KDM6A: variants seen among roughly 807,000 people sequenced by gnomAD.
KDM6A encodes lysine-specific demethylase 6A.
KDM6A carries 11 observed loss-of-function variants against 117.6 expected under a neutral mutation model. The observed-to-expected ratio is 0.09, with a 90% CI of 0.06 to 0.15. The LOEUF (loss-of-function observed/expected upper bound fraction) is 0.15, where lower values mean the gene tolerates loss of function less well. Ranked by LOEUF, KDM6A falls within the 10% of genes least tolerant of loss-of-function variation. The probability of loss-of-function intolerance (pLI) is 1.00; values close to 1 mark genes in which losing one functional copy is unlikely to be tolerated. For synonymous variants in KDM6A, 384 were observed against 396.1 expected, an observed-to-expected ratio of 0.97 and a Z score of 0.36; for missense variants, 799 against 1,077.3, an observed-to-expected ratio of 0.74 and a Z score of 3.62.
At chrX:45,090,991 TA>T (rs1453202635) in intron 27 of KDM6A, 127 bp downstream of exon 27, 149 of 692,915 alleles carry the variant, frequency 2.2e-4, no homozygotes, top group Non-Finnish European at 3.1e-4. Flanking sequence ...CAGAATGTAT[TA>T]TGAGAATCCA....
intron 2 of KDM6A, among the ~76,000 whole-genome samples, chrX:44,899,004 G>GGGGTGT (rs754650272): frequency 2.4e-4 from 19 of 79,653 alleles, no homozygotes; most frequent in African/African-American, 1.2e-3. Context: ...GGAGAGGGAG[G>GGGGTGT]GTGTGTGTGT....
At chrX:45,006,150 C>T (rs1483289964) in intron 4 of KDM6A, among the ~76,000 whole-genome samples, 1 of 85,724 alleles carries the variant, frequency 1.2e-5, no homozygotes, top group Non-Finnish European at 2.3e-5. Flanking sequence ...TGGCCAGTCC[C>T]CCCCAGCCCT....
At chrX:44,931,601 A>G (rs1258730133) in intron 2 of KDM6A, among the ~76,000 whole-genome samples, 1 of 111,435 alleles carries the variant, frequency 9.0e-6, no homozygotes, top group Non-Finnish European at 1.9e-5. Flanking sequence ...GAAATATGCC[A>G]GTCATAAAAG....
chrX:44,882,569 T>C (rs2032410845), intron 2 of KDM6A, among the ~76,000 whole-genome samples: 1 of 112,631 alleles, frequency 8.9e-6, no homozygotes, highest in Non-Finnish European at 1.9e-5. Flanking sequence ...TGTTCTGTGA[T>C]AGAATATTAC....
intron 2 of KDM6A, among the ~76,000 whole-genome samples, chrX:44,937,616 C>T (rs967408589): frequency 8.9e-5 from 10 of 111,863 alleles, no homozygotes; most frequent in Admixed American, 2.9e-4. Flanking sequence ...GACTGCTCTA[C>T]CGACTGGCCA....
intron 4 of KDM6A, among the ~76,000 whole-genome samples, chrX:44,992,414 G>C (rs2040658748): frequency 9.2e-6 from 1 of 108,221 alleles, no homozygotes; most frequent in African/African-American, 3.4e-5. Flanking sequence ...AGTAGAGATG[G>C]GGTTTCTCCA....
intron 4 of KDM6A, 75 bp from the exon 5 acceptor site, chrX:45,010,886 G>T (rs774670146): frequency 1.3e-6 from 1 of 757,876 alleles, no homozygotes; most frequent in East Asian, 3.3e-5. Context: ...CTTGGATACC[G>T]TATTTTACAA....
At chrX:44,988,885 G>A (rs1312562140) in intron 4 of KDM6A, among the ~76,000 whole-genome samples, 1 of 110,773 alleles carries the variant, frequency 9.0e-6, no homozygotes, top group Non-Finnish European at 1.9e-5. Context: ...CAGTCTGTCC[G>A]TTCTCAGATC....
At chrX:44,931,124 T>C (rs963049871) in intron 2 of KDM6A, among the ~76,000 whole-genome samples, 1 of 111,451 alleles carries the variant, frequency 9.0e-6, no homozygotes, top group South Asian at 3.8e-4. Flanking sequence ...TCACCCAGGC[T>C]GGAGTGCAAG....
At chrX:44,912,739 A>G (rs1256710483) in intron 2 of KDM6A, among the ~76,000 whole-genome samples, 1 of 111,883 alleles carries the variant, frequency 8.9e-6, no homozygotes, top group Non-Finnish European at 1.9e-5. Flanking sequence ...TTCCTTTTAA[A>G]ATAGGTACTA....
intron 27 of KDM6A, among the ~76,000 whole-genome samples, chrX:45,099,024 C>G (rs886635931): frequency 8.9e-6 from 1 of 111,843 alleles, no homozygotes; most frequent in Admixed American, 9.5e-5. Flanking sequence ...GTAACCTCAT[C>G]TGGATTCATC....
Position 45,069,567 on chromosome X carries a change from C to G in KDM6A, c.2080-12C>G, listed in dbSNP as rs1337896025. ...TTAATATTAGATTTAAACTATTTTTCTTTCTTTTTAGGGGCTTCACAAAGG... is the reference window on the plus strand; with the variant it reads ...TTAATATTAGATTTAAACTATTTTTGTTTCTTTTTAGGGGCTTCACAAAGG... On this transcript the variant is annotated splice_polypyrimidine_tract_variant and intron_variant, in intron 17 of 29. Transcript: ENST00000611820. 8.3e-7 allele frequency: 1 copy of G among 1,202,442 alleles called. No homozygotes were observed. The highest frequency in any genetic ancestry group is 3.0e-5 in the East Asian group (1 of 33,754).
In KDM6A at chrX:44,991,678, TTTGTTG is replaced by T. The variant is rs752362184; in HGVS notation, c.384+16981_384+16986del. Among the ~76,000 whole-genome samples the T allele has an allele frequency of 4.1e-3, 456 of 111,536 alleles. 1 individual carries two copies. Among genetic ancestry groups the T allele is most frequent in the Non-Finnish European group, 6.3e-3 (335 of 53,060 alleles). On this transcript the variant is annotated intron_variant, in intron 4 of 29. Coordinates refer to ENST00000611820, the MANE Select transcript of KDM6A (RefSeq NM_001291415.2). ...AACAACTGTTTGCTTAGTGGGTGTT[TTTGTTG>T]TTGTTGTTGTTGTTGTTTTGAGACA...
intron 2 of KDM6A, among the ~76,000 whole-genome samples, chrX:44,931,834 A>T (rs750959043): frequency 1.8e-5 from 2 of 111,673 alleles, no homozygotes; most frequent in South Asian, 7.5e-4. Flanking sequence ...AATGGTTAAG[A>T]TTGTAAATTT....
chrX:45,078,304 T>C, intron 19 of KDM6A, 96 bp from the exon 20 acceptor site: 1 of 876,368 alleles, frequency 1.1e-6, no homozygotes, highest in Non-Finnish European at 1.6e-6. Context: ...AATGCGTTAT[T>C]TAAATTGTGA....
Position 45,062,703 on chromosome X carries a change from G to A in KDM6A, c.1638G>A (p.Met546Ile), listed in dbSNP as rs2044353433. Residue 546 changes from methionine (M) to isoleucine (I), a missense_variant, in exon 16 of 30, where the codon ATG becomes ATA. Physicochemically the swap from Met to Ile is conservative, Grantham distance 10 (BLOSUM62 1). Coordinates refer to ENST00000611820, the MANE Select transcript of KDM6A (RefSeq NM_001291415.2). Reference sequence around the variant, plus strand: ...ATTTAAATCCAGCACAGAAACTGATGCTGGAACAGCTGGAAAGTCAGTTTG... The same window carrying A: ...ATTTAAATCCAGCACAGAAACTGATACTGGAACAGCTGGAAAGTCAGTTTG... ...RNNLNPAQKL[M>I]LEQLESQFVL... The A allele has an allele frequency of 3.3e-6, 4 of 1,204,718 alleles. No individual in the cohort carries two copies. The highest frequency in any genetic ancestry group is 4.5e-6 in the Non-Finnish European group (4 of 889,202).
chrX:44,928,941 TA>T (rs1301530909), intron 2 of KDM6A, among the ~76,000 whole-genome samples: 1 of 111,720 alleles, frequency 9.0e-6, no homozygotes, highest in Non-Finnish European at 1.9e-5. Context: ...TTTTACTATA[TA>T]TTTTTTTGAG....
chrX:44,970,391 T>C (rs2039283721), intron 3 of KDM6A, among the ~76,000 whole-genome samples: 1 of 111,801 alleles, frequency 8.9e-6, no homozygotes, highest in Non-Finnish European at 1.9e-5. Flanking sequence ...TTTTAAAATA[T>C]TTTATTTTTT....
intron 2 of KDM6A, among the ~76,000 whole-genome samples, chrX:44,930,909 G>C (rs1213687514): frequency 9.0e-6 from 1 of 111,132 alleles, no homozygotes; most frequent in Non-Finnish European, 1.9e-5. Flanking sequence ...CTTTACATTT[G>C]AATTTTTAAT....
Sources: allele counts gnomAD v4.1 joint callset (sites outside exome capture counted in the v4.1 genomes callset), GRCh38; gene constraint gnomAD v4.1.1; transcripts MANE v1.5; gene names NCBI Gene and HGNC (gene_info 2026-07-23, HGNC 2026-07-21).